Variants in PDE4B observed in about 807,000 individuals in gnomAD.
PDE4B encodes 3',5'-cyclic-AMP phosphodiesterase 4B.
A neutral mutation model predicts 82.2 loss-of-function variants in PDE4B; 20 were observed. The observed-to-expected ratio is 0.24, with a 90% confidence interval of 0.17 to 0.35. The LOEUF (loss-of-function observed/expected upper bound fraction) is 0.35. Ranked by LOEUF, PDE4B falls within the 10% of genes least tolerant of loss-of-function variation. PDE4B has a pLI of 1.00. For synonymous variants in PDE4B, 320 were observed against 318.9 expected (o/e 1.00, Z -0.04); for missense variants, 655 against 907.2 (o/e 0.72, Z 3.57).
intron 3 of PDE4B, among the ~76,000 whole-genome samples, chr1:65,934,898 A>C (rs534231967): frequency 6.6e-6 from 1 of 152,300 alleles, no homozygotes; most frequent in Admixed American, 6.5e-5. Context: ...GAAATAATAC[A>C]CAAAAAATAC....
intron 1 of PDE4B, among the ~76,000 whole-genome samples, chr1:65,796,804 C>T (rs1203682341): frequency 6.6e-6 from 1 of 151,916 alleles, no homozygotes; most frequent in African/African-American, 2.4e-5. Flanking sequence ...TGCGTGCCAC[C>T]ATGCCCAGGT....
At chr1:65,917,337 C>T (rs1315634302) in intron 2 of PDE4B, among the ~76,000 whole-genome samples, 6 of 152,232 alleles carry the variant, frequency 3.9e-5, no homozygotes, top group Admixed American at 1.3e-4. Context: ...TCTCCTAACT[C>T]GAGTCTGAAG....
intron 7 of PDE4B, among the ~76,000 whole-genome samples, chr1:66,292,216 C>T (rs1657138353): frequency 6.6e-6 from 1 of 152,162 alleles, no homozygotes; most frequent in African/African-American, 2.4e-5. Context: ...GCTTGACTAT[C>T]ACTACAATAG....
At chr1:66,106,833 T>G (rs557919239) in intron 3 of PDE4B, among the ~76,000 whole-genome samples, 1 of 102,696 alleles carries the variant, frequency 9.7e-6, no homozygotes, top group Non-Finnish European at 2.2e-5. Context: ...CTCTCTTTTC[T>G]TCTTTATTAG....
chr1:66,158,429 A>G (rs546105589), intron 3 of PDE4B, among the ~76,000 whole-genome samples: 102 of 152,314 alleles, frequency 6.7e-4, no homozygotes, highest in Non-Finnish European at 1.1e-3. Flanking sequence ...AACATCACTA[A>G]TTGTCAGGGA....
At chr1:66,330,298 C>T (rs967985025) in intron 7 of PDE4B, among the ~76,000 whole-genome samples, 3 of 152,338 alleles carry the variant, frequency 2.0e-5, no homozygotes, top group Non-Finnish European at 2.9e-5. Flanking sequence ...GTTGTACCAA[C>T]TCTAGAAGTA....
At chr1:65,978,186 C>A (rs1650509542) in intron 3 of PDE4B, among the ~76,000 whole-genome samples, 1 of 150,076 alleles carries the variant, frequency 6.7e-6, no homozygotes, top group African/African-American at 2.4e-5. Context: ...CACCAGCACA[C>A]CCGGGTAATT....
intron 7 of PDE4B, among the ~76,000 whole-genome samples, chr1:66,295,206 A>G (rs1291475523): frequency 6.6e-6 from 1 of 152,150 alleles, no homozygotes; most frequent in African/African-American, 2.4e-5. Flanking sequence ...AGTAGGTCCA[A>G]GGGAATCCTG....
chr1:65,795,780 C>T (rs1645625423), intron 1 of PDE4B, among the ~76,000 whole-genome samples: 1 of 152,244 alleles, frequency 6.6e-6, no homozygotes, highest in African/African-American at 2.4e-5. Flanking sequence ...CTTTCTGTTT[C>T]CTTCCCCATC....
At chr1:66,256,615 AGAG>A (rs1654250360) in intron 4 of PDE4B, among the ~76,000 whole-genome samples, 1 of 152,234 alleles carries the variant, frequency 6.6e-6, no homozygotes, top group Admixed American at 6.5e-5. Flanking sequence ...AGCCTATGAC[AGAG>A]GAGAGGCCCA....
At chr1:66,201,329 A>C (rs981960702) in intron 3 of PDE4B, among the ~76,000 whole-genome samples, 1 of 152,056 alleles carries the variant, frequency 6.6e-6, no homozygotes, top group African/African-American at 2.4e-5. Flanking sequence ...TGTCTCTGCC[A>C]GTCTTTGGTA....
chr1:66,189,443 C>T (rs1647529995), intron 3 of PDE4B, among the ~76,000 whole-genome samples: 1 of 152,188 alleles, frequency 6.6e-6, no homozygotes, highest in Non-Finnish European at 1.5e-5. Flanking sequence ...AACTTGGTTC[C>T]ATTCTCCCTG....
chr1:66,190,204 C>T (rs1301037983), intron 3 of PDE4B, among the ~76,000 whole-genome samples: 5 of 152,156 alleles, frequency 3.3e-5, no homozygotes, highest in Admixed American at 1.3e-4. Context: ...AGTTTTGTCT[C>T]AGAGGAGTAC....
At chr1:66,198,953 T>C (rs891477856) in intron 3 of PDE4B, among the ~76,000 whole-genome samples, 10 of 152,178 alleles carry the variant, frequency 6.6e-5, no homozygotes, top group Non-Finnish European at 1.5e-4. Context: ...TCATTTTTTA[T>C]GGCTGCATAG....
At chr1:66,186,952 ATG>A (rs1242853225) in intron 3 of PDE4B, among the ~76,000 whole-genome samples, 1 of 152,194 alleles carries the variant, frequency 6.6e-6, no homozygotes, top group Non-Finnish European at 1.5e-5. Context: ...CCCATTCAGT[ATG>A]ATATTGGCTG....
chr1:66,152,442 C>A, intron 3 of PDE4B: 1 of 243,108 alleles, frequency 4.1e-6, no homozygotes, highest in Non-Finnish European at 9.3e-6. Context: ...GCAGCAGCAG[C>A]ACACCACCAC....
At chr1:66,148,553 G>A (rs532847456) in intron 3 of PDE4B, among the ~76,000 whole-genome samples, 2 of 152,004 alleles carry the variant, frequency 1.3e-5, no homozygotes, top group African/African-American at 4.8e-5. Flanking sequence ...ATTATTTTTA[G>A]TATATTTATG....
At chr1:65,833,768 G>C (rs2101307552) in intron 1 of PDE4B, among the ~76,000 whole-genome samples, 1 of 152,216 alleles carries the variant, frequency 6.6e-6, no homozygotes, top group South Asian at 2.1e-4. Context: ...GCAGTGTACT[G>C]AACAAATTAT....
At chr1:66,221,780 G>A (rs1651008716) in intron 3 of PDE4B, among the ~76,000 whole-genome samples, 1 of 151,936 alleles carries the variant, frequency 6.6e-6, no homozygotes, top group African/African-American at 2.4e-5. Flanking sequence ...CCCACCCTCT[G>A]TCATCACTCC....
Sources: allele counts gnomAD v4.1 joint callset (sites outside exome capture counted in the v4.1 genomes callset), GRCh38; gene constraint gnomAD v4.1.1; transcripts MANE v1.5; gene names NCBI Gene and HGNC (gene_info 2026-07-23, HGNC 2026-07-21).